CNTN3: variants seen among roughly 807,000 people sequenced by gnomAD.
CNTN3 encodes contactin-3.
In CNTN3, 60 loss-of-function variants were observed where a neutral mutation model predicts 119.1. The ratio of observed to expected loss-of-function variants is 0.50; its 90% confidence interval spans 0.41 to 0.62. The LOEUF is 0.62. Ranked by LOEUF, CNTN3 falls within the 20% of genes least tolerant of loss-of-function variation. CNTN3 has a pLI of 0.00. For synonymous variants in CNTN3, 450 were observed against 438.7 expected, an observed-to-expected ratio of 1.03 and a Z score of -0.32; for missense variants, 1,101 against 1,242.4, an observed-to-expected ratio of 0.89 and a Z score of 1.71.
Position 74,326,893 on chromosome 3 carries a change from G to T in CNTN3, c.1668+7842C>A, listed in dbSNP as rs536822719. Reference sequence around the variant, plus strand: ...GATGATTTAAATAACAATATTTCTGGTATTTTTCCTTTAAAGACACTTTTG... The same window carrying T: ...GATGATTTAAATAACAATATTTCTGTTATTTTTCCTTTAAAGACACTTTTG... On this transcript the variant is annotated intron_variant, in intron 13 of 22. Coordinates refer to ENST00000263665, the MANE Select transcript of CNTN3 (RefSeq NM_020872.3). Among the ~76,000 whole-genome samples the T allele has an allele frequency of 5.7e-4, 86 of 152,010 alleles. 1 individual carries two copies. Among genetic ancestry groups the T allele is most frequent in the Non-Finnish European group, 8.8e-4 (60 of 67,948 alleles).
chr3:74,289,566 T>G (rs1253625754), intron 19 of CNTN3, among the ~76,000 whole-genome samples: 1 of 152,176 alleles, frequency 6.6e-6, no homozygotes. Context: ...TTTTCTTCAG[T>G]ACAATCTCAT....
chr3:74,439,691 C>T (rs1318229201), intron 4 of CNTN3, among the ~76,000 whole-genome samples: 1 of 152,114 alleles, frequency 6.6e-6, no homozygotes, highest in Non-Finnish European at 1.5e-5. Context: ...AGGGAGAAAA[C>T]AGAGAAACAA....
chr3:74,342,028 T>C (rs1703560884), intron 11 of CNTN3, among the ~76,000 whole-genome samples: 1 of 152,082 alleles, frequency 6.6e-6, no homozygotes, highest in Non-Finnish European at 1.5e-5. Flanking sequence ...CAAGGCTCTT[T>C]TAGATGGTAC....
At chr3:74,363,945 G>A (rs1002476058) in intron 10 of CNTN3, among the ~76,000 whole-genome samples, 1 of 151,980 alleles carries the variant, frequency 6.6e-6, no homozygotes, top group South Asian at 2.1e-4. Context: ...AAACATGATA[G>A]AACATCTTCT....
intron 1 of CNTN3, among the ~76,000 whole-genome samples, chr3:74,576,637 A>T (rs1575840967): frequency 6.6e-6 from 1 of 151,998 alleles, no homozygotes; most frequent in Non-Finnish European, 1.5e-5. Context: ...GTACCCTTAA[A>T]TTTTTTCTAT....
intron 17 of CNTN3, among the ~76,000 whole-genome samples, chr3:74,298,936 G>T (rs1380334468): frequency 1.3e-5 from 2 of 149,536 alleles, no homozygotes; most frequent in Non-Finnish European, 3.0e-5. Context: ...ATAAATTAAT[G>T]AATTACATCC....
chr3:74,553,322 A>G (rs1268464148), intron 1 of CNTN3, among the ~76,000 whole-genome samples: 2 of 152,102 alleles, frequency 1.3e-5, no homozygotes, highest in Non-Finnish European at 2.9e-5. Context: ...CATTTTCTTA[A>G]TCCAGTCTAT....
intron 2 of CNTN3, among the ~76,000 whole-genome samples, chr3:74,514,119 C>T (rs1206784132): frequency 6.6e-6 from 1 of 151,948 alleles, no homozygotes; most frequent in South Asian, 2.1e-4. Flanking sequence ...ATGTCATATT[C>T]ACCAATATTT....
At chr3:74,322,515 G>A (rs1703020911) in intron 13 of CNTN3, among the ~76,000 whole-genome samples, 1 of 152,188 alleles carries the variant, frequency 6.6e-6, no homozygotes, top group Non-Finnish European at 1.5e-5. Context: ...AGGATGTAGA[G>A]TAGCAGGAAC....
intron 18 of CNTN3, among the ~76,000 whole-genome samples, chr3:74,297,082 T>C (rs1702353778): frequency 6.6e-6 from 1 of 152,146 alleles, no homozygotes. Flanking sequence ...CACCAGCAGG[T>C]TCATATCCCT....
At chr3:74,416,557 G>A (rs1701525755) in intron 5 of CNTN3, among the ~76,000 whole-genome samples, 1 of 152,138 alleles carries the variant, frequency 6.6e-6, no homozygotes, top group Non-Finnish European at 1.5e-5. Flanking sequence ...GCAGGGTGGT[G>A]CTTAAAAAGG....
rs1704273955 is a variant in CNTN3 at position 74,369,172 on chromosome 3, C to T, written c.946+17G>A. ...AGTAAAAGCTAAAACTCCAATTTGC[C>T]CAAAGCAGATGCTCACCATAGTAAG... On this transcript the variant is annotated intron_variant, in intron 8 of 22. Coordinates refer to ENST00000263665, the MANE Select transcript of CNTN3 (RefSeq NM_020872.3). The T allele has an allele frequency of 1.3e-6, 2 of 1,562,538 alleles. No individual in the cohort carries two copies. The highest frequency in any genetic ancestry group is 2.0e-5 in the Admixed American group (1 of 50,868).
At chr3:74,516,212 G>GAACCTCTGGCCTAT (rs1437417336) in intron 2 of CNTN3, among the ~76,000 whole-genome samples, 41 of 151,302 alleles carry the variant, frequency 2.7e-4, no homozygotes, top group African/African-American at 8.8e-4. Flanking sequence ...GGCAGGCCTG[G>GAACCTCTGGCCTAT]AATGCACACA....
chr3:74,532,859 A>G (rs1703713140), intron 1 of CNTN3, among the ~76,000 whole-genome samples: 2 of 152,076 alleles, frequency 1.3e-5, no homozygotes, highest in East Asian at 3.9e-4. Flanking sequence ...AAAATTCAAA[A>G]TGCAAGAAGA....
chr3:74,512,039 T>C lies in CNTN3; in HGVS notation c.55+9019A>G, dbSNP rs147006185. Among the ~76,000 whole-genome samples, 41 of 152,282 alleles carry C rather than the reference T, an allele frequency of 2.7e-4. No homozygotes were observed. In the East Asian group the frequency reaches 7.2e-3, roughly 27 times the overall value. On this transcript the variant is annotated intron_variant, in intron 2 of 22. Transcript: ENST00000263665. The stretch of plus-strand genomic sequence containing the variant: ...CTCTGAGCCACTGAATTCTCTACTG[T>C]TATATGGGAATGATATCTATAATAT...
At chr3:74,363,637 C>T (rs1469342901) in intron 10 of CNTN3, among the ~76,000 whole-genome samples, 1 of 152,112 alleles carries the variant, frequency 6.6e-6, no homozygotes, top group East Asian at 1.9e-4. Flanking sequence ...CTTTGACTTC[C>T]CTTTGAGCAA....
intron 18 of CNTN3, among the ~76,000 whole-genome samples, chr3:74,296,143 A>G (rs2106804975): frequency 6.6e-6 from 1 of 152,320 alleles, no homozygotes; most frequent in African/African-American, 2.4e-5. Flanking sequence ...GAGACACCCT[A>G]GTAGATTTCA....
chr3:74,492,025 TAGCCTTGTAGCTTCAG>T (rs1702974130), intron 3 of CNTN3, among the ~76,000 whole-genome samples: 1 of 152,100 alleles, frequency 6.6e-6, no homozygotes, highest in Non-Finnish European at 1.5e-5. Context: ...AGAAGCAGAG[TAGCCTTGTAGCTTCAG>T]CTTGGTGGTA....
chr3:74,549,538 G>T (rs2107158113), intron 1 of CNTN3, among the ~76,000 whole-genome samples: 1 of 151,832 alleles, frequency 6.6e-6, no homozygotes, highest in African/African-American at 2.4e-5. Context: ...TCAAAGGTCT[G>T]CCTCCTAGCT....
Sources: allele counts gnomAD v4.1 joint callset (sites outside exome capture counted in the v4.1 genomes callset), GRCh38; gene constraint gnomAD v4.1.1; transcripts MANE v1.5; gene names NCBI Gene and HGNC (gene_info 2026-07-23, HGNC 2026-07-21).